Variants in PRLR observed in about 807,000 individuals in gnomAD.
The protein encoded by PRLR is hPRL receptor.
A neutral mutation model predicts 40.2 loss-of-function variants in PRLR; 13 were observed. The observed-to-expected ratio is 0.32, with a 90% confidence interval of 0.21 to 0.51. PRLR has a LOEUF of 0.51. PRLR is among the 20% of genes least tolerant of loss of function. PRLR has a pLI of 0.97. For missense variants in PRLR, 656 were observed against 747.3 expected (o/e 0.88, Z 1.42); for synonymous variants, 269 against 278.7 (o/e 0.97, Z 0.35).
intron 5 of PRLR, 34 bp from the exon 6 acceptor site, chr5:35,072,778 T>C (rs1561269127): frequency 3.1e-6 from 5 of 1,599,426 alleles, no homozygotes; most frequent in Non-Finnish European, 4.3e-6. Flanking sequence ...GTAGCACTCA[T>C]TGCTTGCACC....
chr5:35,106,702 A>C (rs192298817), intron 2 of PRLR, among the ~76,000 whole-genome samples: 1 of 152,346 alleles, frequency 6.6e-6, no homozygotes, highest in African/African-American at 2.4e-5. Context: ...TGCACCCAAT[A>C]CAGGAGCACC....
At chr5:35,113,165 T>C (rs1772776140) in intron 2 of PRLR, among the ~76,000 whole-genome samples, 3 of 128,456 alleles carry the variant, frequency 2.3e-5, no homozygotes, top group African/African-American at 6.0e-5. Flanking sequence ...CATCTATCCA[T>C]CCATCCCTCC....
At position 35,164,971 on chromosome 5, in the gene PRLR, C is replaced by T. The variant is rs925001327; in HGVS notation, c.-105-46849G>A. The stretch of plus-strand genomic sequence containing the variant: ...TTTGGGTCTCTGTGTTGAGGATGGT[C>T]CACTTACGAATGAGAGGGAAATAAA... On this transcript the variant is annotated intron_variant, in intron 1 of 9. Coordinates refer to ENST00000618457, the MANE Select transcript of PRLR (RefSeq NM_000949.7). Among the ~76,000 whole-genome samples, 3 of 152,168 alleles carry T rather than the reference C, an allele frequency of 2.0e-5. No individual in the cohort carries two copies. In the East Asian group the frequency reaches 5.8e-4, roughly 29 times the overall value.
intron 1 of PRLR, among the ~76,000 whole-genome samples, chr5:35,120,908 C>G (rs1176258051): frequency 6.6e-6 from 1 of 152,192 alleles, no homozygotes; most frequent in Non-Finnish European, 1.5e-5. Context: ...TACTCTGTTA[C>G]TGTAGTACAA....
chr5:35,198,937 C>T (rs1397601860), intron 1 of PRLR, among the ~76,000 whole-genome samples: 1 of 152,158 alleles, frequency 6.6e-6, no homozygotes, highest in Non-Finnish European at 1.5e-5. Context: ...CTCCGTGAAG[C>T]CTTTGCTCTT....
At chr5:35,118,269 T>A (rs1773142559) in intron 1 of PRLR, 147 bp from the exon 2 acceptor site, 1 of 211,000 alleles carries the variant, frequency 4.7e-6, no homozygotes, top group African/African-American at 2.4e-5. Context: ...ATTTGTTTTT[T>A]GGCAGCTTTA....
intron 2 of PRLR, among the ~76,000 whole-genome samples, chr5:35,102,801 C>T (rs1005293513): frequency 2.0e-5 from 3 of 152,128 alleles, no homozygotes; most frequent in Non-Finnish European, 4.4e-5. Flanking sequence ...CCTCGGCCTC[C>T]CAAAGTGCTG....
intron 1 of PRLR, among the ~76,000 whole-genome samples, chr5:35,173,297 T>A: frequency 6.6e-6 from 1 of 152,196 alleles, no homozygotes; most frequent in East Asian, 1.9e-4. Context: ...TCTTACAATT[T>A]AGAAAAGCTT....
intron 1 of PRLR, among the ~76,000 whole-genome samples, chr5:35,222,347 C>G (rs779338876): frequency 1.3e-5 from 2 of 151,958 alleles, no homozygotes; most frequent in African/African-American, 2.4e-5. Context: ...GCTTTCTCCT[C>G]TTTTTTTCAG....
chr5:35,089,696 A>G (rs1033949751), intron 2 of PRLR, 33 bp from the exon 3 acceptor site: 3 of 1,430,578 alleles, frequency 2.1e-6, no homozygotes, highest in Non-Finnish European at 2.0e-6. Flanking sequence ...ACTTTTGTGA[A>G]ATGGCAGTCT....
chr5:35,113,093 C>T (rs1772765245), intron 2 of PRLR, among the ~76,000 whole-genome samples: 1 of 149,376 alleles, frequency 6.7e-6, no homozygotes, highest in African/African-American at 2.5e-5. Context: ...AACCTACCCA[C>T]CCATCTTTCC....
chr5:35,137,828 C>T (rs142252452), intron 1 of PRLR, among the ~76,000 whole-genome samples: 12 of 152,278 alleles, frequency 7.9e-5, no homozygotes, highest in Non-Finnish European at 1.6e-4. Context: ...AGGAGAATCG[C>T]TTGAACTCGG....
In PRLR at chr5:35,079,764, G is replaced by A. The variant is rs182022846; in HGVS notation, c.373+4706C>T. On this transcript the variant is annotated intron_variant, in intron 5 of 9. Coordinates refer to ENST00000618457, the MANE Select transcript of PRLR (RefSeq NM_000949.7). ...AAGCCAAAAGAACAAAGCTGGAGGC[G>A]TCACACTACCTGACTTCAAACTATA... Among the ~76,000 whole-genome samples the A allele has an allele frequency of 4.1e-4, 63 of 152,224 alleles. No homozygotes were observed. The South Asian group carries it at 9.5e-3, about 23-fold the overall frequency.
chr5:35,158,469 A>T (rs1239043084), intron 1 of PRLR, among the ~76,000 whole-genome samples: 1 of 152,156 alleles, frequency 6.6e-6, no homozygotes, highest in Non-Finnish European at 1.5e-5. Context: ...ATAATTTACT[A>T]GCATAGTGCA....
chr5:35,159,813 T>G (rs1400438746), intron 1 of PRLR, among the ~76,000 whole-genome samples: 1 of 152,214 alleles, frequency 6.6e-6, no homozygotes. Flanking sequence ...CCACCAATAC[T>G]TGGGACAATA....
intron 1 of PRLR, among the ~76,000 whole-genome samples, chr5:35,165,858 T>A (rs965184057): frequency 6.6e-6 from 1 of 152,224 alleles, no homozygotes; most frequent in Admixed American, 6.5e-5. Context: ...TGAATTCTGC[T>A]GGTGAACGTG....
intron 1 of PRLR, among the ~76,000 whole-genome samples, chr5:35,203,818 C>T (rs1775940872): frequency 6.8e-6 from 1 of 146,834 alleles, no homozygotes; most frequent in Non-Finnish European, 1.5e-5. Context: ...GAGCCATTAC[C>T]AAAAGCTCAG....
intron 1 of PRLR, among the ~76,000 whole-genome samples, chr5:35,134,335 A>G (rs989646610): frequency 1.3e-5 from 2 of 151,564 alleles, no homozygotes; most frequent in Admixed American, 6.6e-5. Flanking sequence ...TCCTTGGATT[A>G]TCACAGCAAG....
At chr5:35,071,717 C>G (rs542332813) in intron 6 of PRLR, among the ~76,000 whole-genome samples, 1 of 152,158 alleles carries the variant, frequency 6.6e-6, no homozygotes, top group African/African-American at 2.4e-5. Context: ...CCTGCCTCAG[C>G]CTTCAGAGTA....
Sources: gnomAD v4.1 joint callset for allele counts (sites outside exome capture counted in the v4.1 genomes callset) on GRCh38, gnomAD v4.1.1 for gene constraint, MANE v1.5 for transcripts, NCBI Gene and HGNC (gene_info 2026-07-23, HGNC 2026-07-21) for gene names.